The following FRMD5 variants were observed in gnomAD, a reference collection of about 807,000 sequenced individuals.
FRMD5 encodes FERM domain containing 5, also known as FERM domain-containing protein 5.
FRMD5 carries 20 observed loss-of-function variants against 69.0 expected under a neutral mutation model. The ratio of observed to expected loss-of-function variants is 0.29; its 90% confidence interval spans 0.20 to 0.42. The LOEUF (loss-of-function observed/expected upper bound fraction) is 0.42, where lower values mean the gene tolerates loss of function less well. Among genes scored for constraint, FRMD5 ranks in the 10% least tolerant of loss-of-function variants. The pLI is 1.00. For synonymous variants in FRMD5, 271 were observed against 260.1 expected (o/e 1.04, Z -0.40); for missense variants, 595 against 708.6 (o/e 0.84, Z 1.82).
intron 1 of FRMD5, among the ~76,000 whole-genome samples, chr15:44,155,221 C>T (rs1052016476): frequency 1.2e-4 from 19 of 152,132 alleles, no homozygotes; most frequent in African/African-American, 2.4e-4. Context: ...ATCCCAAGGT[C>T]GGGAGATCAA....
chr15:44,175,118 C>T (rs562701890), intron 1 of FRMD5, among the ~76,000 whole-genome samples: 219 of 152,200 alleles, frequency 1.4e-3, no homozygotes, highest in African/African-American at 5.2e-3. Flanking sequence ...TTTTGTTTAA[C>T]AGAGGCACCT....
At chr15:44,033,493 T>A (rs1212801143) in intron 1 of FRMD5, among the ~76,000 whole-genome samples, 3 of 152,234 alleles carry the variant, frequency 2.0e-5, no homozygotes, top group African/African-American at 7.2e-5. Flanking sequence ...TCAAGTCTCT[T>A]TTTTGATATA....
At chr15:43,947,778 A>G (rs2089969373) in intron 1 of FRMD5, among the ~76,000 whole-genome samples, 1 of 152,230 alleles carries the variant, frequency 6.6e-6, no homozygotes, top group Non-Finnish European at 1.5e-5. Flanking sequence ...TTATTGCTGA[A>G]GCAGAGGCAG....
intron 1 of FRMD5, among the ~76,000 whole-genome samples, chr15:44,123,269 C>T (rs993292488): frequency 7.3e-5 from 11 of 151,520 alleles, no homozygotes; most frequent in African/African-American, 2.2e-4. Flanking sequence ...CACTTGAACC[C>T]GGGAGGCACA....
intron 4 of FRMD5, among the ~76,000 whole-genome samples, chr15:43,916,515 G>A (rs1019346826): frequency 6.6e-6 from 1 of 152,202 alleles, no homozygotes; most frequent in East Asian, 1.9e-4. Context: ...CTCACTGTGG[G>A]TGTATTAAGA....
intron 1 of FRMD5, among the ~76,000 whole-genome samples, chr15:44,056,774 T>C (rs1316690169): frequency 6.6e-6 from 1 of 152,162 alleles, no homozygotes; most frequent in African/African-American, 2.4e-5. Context: ...ACGCCTCTCC[T>C]TGGTTCTCCT....
chr15:43,873,419 T>C lies in FRMD5; in HGVS notation c.*466A>G, dbSNP rs1318088458. Reference sequence around the variant, plus strand: ...CCTGCTGAGGCTGCAGTGATGAGTCTACTGGAACCCAGTGGCACCAGCAGG... The same window carrying C: ...CCTGCTGAGGCTGCAGTGATGAGTCCACTGGAACCCAGTGGCACCAGCAGG... On this transcript the variant is annotated 3_prime_UTR_variant, in exon 14 of 14. Coordinates refer to ENST00000417257, the MANE Select transcript of FRMD5 (RefSeq NM_032892.5). 27 of 1,435,848 alleles carry C rather than the reference T, an allele frequency of 1.9e-5. No individual in the cohort carries two copies. Among genetic ancestry groups the C allele is most frequent in the Non-Finnish European group, 2.3e-5 (25 of 1,105,064 alleles). 88.9% of individuals were successfully genotyped at this position (1,435,848 alleles called of 1,614,324 possible). A position where few individuals can be genotyped will look rare whatever the true frequency, so the allele number is the denominator to read the frequency against.
At chr15:44,161,781 A>G (rs1337056826) in intron 1 of FRMD5, among the ~76,000 whole-genome samples, 1 of 152,148 alleles carries the variant, frequency 6.6e-6, no homozygotes, top group Non-Finnish European at 1.5e-5. Flanking sequence ...ACTATACCGT[A>G]TCTTCCTCTC....
intron 1 of FRMD5, among the ~76,000 whole-genome samples, chr15:44,096,620 C>G (rs2076557584): frequency 6.6e-6 from 1 of 152,070 alleles, no homozygotes; most frequent in African/African-American, 2.4e-5. Flanking sequence ...CCAGGCTGGT[C>G]TTTTACTCCT....
chr15:43,888,563 T>G (rs2088719164), intron 9 of FRMD5, among the ~76,000 whole-genome samples: 1 of 152,182 alleles, frequency 6.6e-6, no homozygotes, highest in South Asian at 2.1e-4. Flanking sequence ...AAAAGAGCCT[T>G]CCTTTGCATT....
chr15:43,989,208 G>T (rs1288065714), intron 1 of FRMD5: 2 of 822,784 alleles, frequency 2.4e-6, no homozygotes, highest in Non-Finnish European at 4.3e-6. Flanking sequence ...CAGTGATCTT[G>T]ATCTTCATTG....
chr15:43,960,500 C>T (rs889893603), intron 1 of FRMD5, among the ~76,000 whole-genome samples: 8 of 152,186 alleles, frequency 5.3e-5, no homozygotes, highest in African/African-American at 1.9e-4. Context: ...CTGCCCGCCT[C>T]GGCCTCCCAA....
chr15:44,050,668 T>C (rs201192985), intron 1 of FRMD5, among the ~76,000 whole-genome samples: 1 of 126,188 alleles, frequency 7.9e-6, no homozygotes, highest in African/African-American at 2.8e-5. Context: ...TTTTTTTTTT[T>C]CTTTTTTCAG....
In FRMD5 at chr15:43,905,880, GT is replaced by G; in HGVS notation, c.498del (p.Lys166AsnfsTer18). 1 of 1,614,202 alleles carries G rather than the reference GT, an allele frequency of 6.2e-7. No individual in the cohort carries two copies. The highest frequency in any genetic ancestry group is 8.5e-7 in the Non-Finnish European group (1 of 1,180,022). ...ATTTTCCTTTCCAGCTTCTCTGAAT[GT>G]TTAGGGAAAAACTGGAACTTGGAGC... The part of the protein sequence containing the change: ...GYSSKFQFFP[K>X]HSEKLERKIA... On this transcript the variant is annotated frameshift_variant, in exon 6 of 14. Transcript: ENST00000417257. LOFTEE classifies it high-confidence loss of function.
At chr15:44,088,786 G>A (rs1894309713) in intron 1 of FRMD5, among the ~76,000 whole-genome samples, 1 of 152,160 alleles carries the variant, frequency 6.6e-6, no homozygotes, top group African/African-American at 2.4e-5. Context: ...TTTTACAAAG[G>A]AGGAAGCTGA....
chr15:43,946,047 T>G (rs1206802850), intron 1 of FRMD5, among the ~76,000 whole-genome samples: 1 of 150,940 alleles, frequency 6.6e-6, no homozygotes, highest in Non-Finnish European at 1.5e-5. Context: ...AGAGCGAGAC[T>G]CTGTCTCAAA....
intron 1 of FRMD5, among the ~76,000 whole-genome samples, chr15:44,185,026 G>A (rs1477066951): frequency 6.6e-6 from 1 of 152,178 alleles, no homozygotes; most frequent in Non-Finnish European, 1.5e-5. Flanking sequence ...TAGATGTACA[G>A]TCTGTAATGT....
intron 1 of FRMD5, among the ~76,000 whole-genome samples, chr15:44,103,726 C>T (rs1267266653): frequency 6.6e-6 from 1 of 152,172 alleles, no homozygotes; most frequent in Non-Finnish European, 1.5e-5. Flanking sequence ...TCTTGGAAAA[C>T]CATTAATCTA....
intron 1 of FRMD5, among the ~76,000 whole-genome samples, chr15:43,954,348 T>C (rs1201017516): frequency 2.6e-5 from 4 of 152,198 alleles, no homozygotes; most frequent in Non-Finnish European, 5.9e-5. Flanking sequence ...CACTGGGTAC[T>C]GTCCTGGCCC....
Sources: allele counts gnomAD v4.1 joint callset (sites outside exome capture counted in the v4.1 genomes callset), GRCh38; gene constraint gnomAD v4.1.1; transcripts MANE v1.5; gene names NCBI Gene and HGNC (gene_info 2026-07-23, HGNC 2026-07-21).